ZDHHC14: variants seen among roughly 807,000 people sequenced by gnomAD.
ZDHHC14 encodes zDHHC palmitoyltransferase 14.
A neutral mutation model predicts 47.7 loss-of-function variants in ZDHHC14; 16 were observed. The ratio of observed to expected loss-of-function variants is 0.34; its 90% CI spans 0.23 to 0.51. The LOEUF (loss-of-function observed/expected upper bound fraction) is 0.51. Ranked by LOEUF, ZDHHC14 falls within the 20% of genes least tolerant of loss-of-function variation. ZDHHC14 has a pLI of 0.97. For synonymous variants in ZDHHC14, 293 were observed against 278.9 expected (o/e 1.05, Z -0.50); for missense variants, 515 against 662.5 (o/e 0.78, Z 2.44).
intron 1 of ZDHHC14, among the ~76,000 whole-genome samples, chr6:157,395,278 A>C (rs1422504536): frequency 2.7e-5 from 4 of 150,810 alleles, no homozygotes; most frequent in Admixed American, 6.6e-5. Flanking sequence ...CTCCCACCTC[A>C]GCCTCTGGAG....
At chr6:157,436,409 A>G (rs917497503) in intron 1 of ZDHHC14, among the ~76,000 whole-genome samples, 2 of 152,156 alleles carry the variant, frequency 1.3e-5, no homozygotes, top group Non-Finnish European at 2.9e-5. Flanking sequence ...ATGGGAGAGC[A>G]TGACTTTCCT....
chr6:157,570,962 C>T (rs1397166461), intron 2 of ZDHHC14, among the ~76,000 whole-genome samples: 1 of 152,134 alleles, frequency 6.6e-6, no homozygotes, highest in African/African-American at 2.4e-5. Flanking sequence ...CCCTGAACTG[C>T]AGGAACTGAG....
chr6:157,546,149 G>T (rs897519939), intron 2 of ZDHHC14, among the ~76,000 whole-genome samples: 4 of 152,186 alleles, frequency 2.6e-5, no homozygotes, highest in African/African-American at 9.7e-5. Context: ...GCTGAGGAAG[G>T]GGTGCAGGCA....
At chr6:157,551,017 G>T (rs935446431) in intron 2 of ZDHHC14, among the ~76,000 whole-genome samples, 1 of 152,170 alleles carries the variant, frequency 6.6e-6, no homozygotes, top group Non-Finnish European at 1.5e-5. Flanking sequence ...GGTGTAGTGG[G>T]GAGTAAAGGA....
rs947586416 is a variant in ZDHHC14 at position 157,586,375 on chromosome 6, G to A, written c.407-6613G>A. Among the ~76,000 whole-genome samples the A allele has an allele frequency of 2.9e-4, 44 of 152,168 alleles. No individual in the cohort carries two copies. The highest frequency in any genetic ancestry group is 1.5e-3 in the South Asian group (7 of 4,826). On this transcript the variant is annotated intron_variant, in intron 2 of 8. Coordinates refer to ENST00000359775, the MANE Select transcript of ZDHHC14 (RefSeq NM_024630.3). This position sits in a 1 kb window ranked among gnomAD's most constrained non-coding sequence, Gnocchi z 4.6. ...CGCAGACAGCAGGAGAGGGAATCCCGAGCAGAGAAAATATCACGTGCAAAT... is the reference window on the plus strand; with the variant it reads ...CGCAGACAGCAGGAGAGGGAATCCCAAGCAGAGAAAATATCACGTGCAAAT...
intron 5 of ZDHHC14, among the ~76,000 whole-genome samples, chr6:157,638,836 A>AT: frequency 6.6e-6 from 1 of 151,894 alleles, no homozygotes; most frequent in East Asian, 1.9e-4. Context: ...CAGGAGAGGC[A>AT]GTGGCAGGGA....
chr6:157,471,550 G>T (rs1779355529), intron 1 of ZDHHC14, among the ~76,000 whole-genome samples: 1 of 152,238 alleles, frequency 6.6e-6, no homozygotes, highest in Non-Finnish European at 1.5e-5. Context: ...CGATGAGAAG[G>T]AAGACGTTAT....
At chr6:157,543,107 G>A (rs1270205885) in intron 2 of ZDHHC14, among the ~76,000 whole-genome samples, 1 of 152,064 alleles carries the variant, frequency 6.6e-6, no homozygotes, top group Non-Finnish European at 1.5e-5. Flanking sequence ...GCAATCCTTG[G>A]AGCATGACCA....
At chr6:157,573,807 A>T (rs918253047) in intron 2 of ZDHHC14, among the ~76,000 whole-genome samples, 2 of 151,848 alleles carry the variant, frequency 1.3e-5, no homozygotes, top group Non-Finnish European at 2.9e-5. Context: ...ATGGTGCTCT[A>T]CTCCCAAGGA....
At chr6:157,554,369 G>A (rs555598718) in intron 2 of ZDHHC14, among the ~76,000 whole-genome samples, 4 of 152,342 alleles carry the variant, frequency 2.6e-5, no homozygotes, top group African/African-American at 9.6e-5. Context: ...GAGACGGCAC[G>A]AGTTCTAGCA....
intron 1 of ZDHHC14, among the ~76,000 whole-genome samples, chr6:157,429,897 A>G (rs1375777508): frequency 6.6e-6 from 1 of 152,178 alleles, no homozygotes; most frequent in Non-Finnish European, 1.5e-5. Context: ...TCAGGATGAT[A>G]GAGAATCTTC....
intron 1 of ZDHHC14, among the ~76,000 whole-genome samples, chr6:157,455,110 G>T (rs1392366820): frequency 6.6e-6 from 1 of 152,202 alleles, no homozygotes; most frequent in Non-Finnish European, 1.5e-5. Context: ...CACTTTGAAA[G>T]GCAGCAAAAA....
rs1013274279 is a variant in ZDHHC14 at position 157,610,016 on chromosome 6, A to G, written c.565+16870A>G. Among the ~76,000 whole-genome samples the G allele has an allele frequency of 2.0e-5, 3 of 152,340 alleles. No individual in the cohort carries two copies. The South Asian group carries it at 6.2e-4, about 32-fold the overall frequency. On this transcript the variant is annotated intron_variant, in intron 3 of 8. Transcript: ENST00000359775. ...TTTGTGGGGTGAATCATTGAAGTTC[A>G]TCACAGAGGGGGCTGCAGGCCATCC...
At chr6:157,637,741 C>G (rs1410418966) in intron 5 of ZDHHC14, among the ~76,000 whole-genome samples, 1 of 152,184 alleles carries the variant, frequency 6.6e-6, no homozygotes, top group African/African-American at 2.4e-5. Context: ...GACCTCATAT[C>G]TAATTTCCTG....
intron 1 of ZDHHC14, among the ~76,000 whole-genome samples, chr6:157,408,025 T>G (rs1777802380): frequency 6.6e-6 from 1 of 152,180 alleles, no homozygotes; most frequent in Admixed American, 6.5e-5. Flanking sequence ...AGAAGTAGAC[T>G]CAAGAAGGAG....
intron 1 of ZDHHC14, among the ~76,000 whole-genome samples, chr6:157,510,517 G>A (rs567732270): frequency 6.6e-6 from 1 of 152,320 alleles, no homozygotes; most frequent in African/African-American, 2.4e-5. Flanking sequence ...GTCCCTCAGT[G>A]CTGGACAGGT....
Position 157,542,243 on chromosome 6 carries a change from G to A in ZDHHC14, c.246-342G>A, listed in dbSNP as rs556543848. ...GGGGGATCTCATAGACTCCCGAACC[G>A]TGTTTACAGCACAGAGGACACGTGT... On this transcript the variant is annotated intron_variant, in intron 1 of 8. Transcript: ENST00000359775. Among the ~76,000 whole-genome samples, 3 of 152,296 alleles carry A rather than the reference G, an allele frequency of 2.0e-5. No individual in the cohort carries two copies. The South Asian group carries it at 6.2e-4, about 32-fold the overall frequency.
At chr6:157,504,313 G>A (rs1469875471) in intron 1 of ZDHHC14, among the ~76,000 whole-genome samples, 3 of 142,888 alleles carry the variant, frequency 2.1e-5, no homozygotes, top group Non-Finnish European at 3.1e-5. Flanking sequence ...GTTCACGCCC[G>A]GCTAATTTTT....
chr6:157,555,285 C>T (rs553594627), intron 2 of ZDHHC14, among the ~76,000 whole-genome samples: 62 of 152,296 alleles, frequency 4.1e-4, no homozygotes, highest in African/African-American at 1.4e-3. Context: ...AACACAGACA[C>T]GGAGCTGGTC....
Sources: gnomAD v4.1 joint callset for allele counts (sites outside exome capture counted in the v4.1 genomes callset) on GRCh38, gnomAD v4.1.1 for gene constraint, Gnocchi (gnomAD v3.1) non-coding constraint, MANE v1.5 for transcripts, NCBI Gene and HGNC (gene_info 2026-07-23, HGNC 2026-07-21) for gene names.